Variants in CCM2 observed in about 807,000 individuals in gnomAD.
CCM2 encodes cerebral cavernous malformations 2 protein.
A neutral mutation model predicts 44.9 loss-of-function variants in CCM2; 25 were observed. That is an observed-to-expected ratio of 0.56 (90% CI 0.41 to 0.78). The LOEUF is 0.78. CCM2 is among the 30% of genes least tolerant of loss of function. The probability of loss-of-function intolerance (pLI) is 0.00; values close to 1 mark genes in which losing one functional copy is unlikely to be tolerated. For synonymous variants in CCM2, 219 were observed against 241.1 expected (o/e 0.91, Z 0.85); for missense variants, 481 against 580.6 (o/e 0.83, Z 1.76).
At position 45,050,231 on chromosome 7, in the gene CCM2, T is replaced by TACC. The variant is rs531440814; in HGVS notation, c.204+11807_204+11809dup. On this transcript the variant is annotated intron_variant, in intron 2 of 9. Coordinates refer to ENST00000258781, the MANE Select transcript of CCM2 (RefSeq NM_031443.4). ...TGTACAGGTTGTAGCCTGGGAGCAA[T>TACC]ACCATATAGCCTAGGTGTGTAGTGG... is the stretch of plus-strand genomic sequence containing the variant. Among the ~76,000 whole-genome samples the TACC allele has an allele frequency of 3.7e-3, 561 of 152,146 alleles. 1 individual carries two copies. Among genetic ancestry groups the TACC allele is most frequent in the Non-Finnish European group, 6.6e-3 (446 of 67,960 alleles).
intron 1 of CCM2, among the ~76,000 whole-genome samples, chr7:45,030,018 G>A (rs2128723487): frequency 6.6e-6 from 1 of 152,278 alleles, no homozygotes; most frequent in South Asian, 2.1e-4. Flanking sequence ...GCACAGCGCT[G>A]CATGGTGACT....
intron 1 of CCM2, among the ~76,000 whole-genome samples, chr7:45,030,941 C>CT (rs1208281475): frequency 2.0e-5 from 3 of 149,964 alleles, no homozygotes; most frequent in African/African-American, 7.3e-5. Context: ...CCAGGGTGGT[C>CT]TTGAACATCT....
intron 1 of CCM2, among the ~76,000 whole-genome samples, chr7:45,018,655 A>C (rs1796360366): frequency 1.3e-5 from 2 of 151,712 alleles, no homozygotes; most frequent in African/African-American, 2.4e-5. Flanking sequence ...TTCTTTTGGC[A>C]TTTTAAAGAT....
At chr7:45,006,280 C>T (rs895982352) in intron 1 of CCM2, among the ~76,000 whole-genome samples, 3 of 152,018 alleles carry the variant, frequency 2.0e-5, no homozygotes, top group African/African-American at 7.2e-5. Flanking sequence ...GAGTCATGTG[C>T]TGAAGCCCCT....
chr7:45,020,143 AC>A (rs1444796214), intron 1 of CCM2, among the ~76,000 whole-genome samples: 1 of 152,074 alleles, frequency 6.6e-6, no homozygotes, highest in Non-Finnish European at 1.5e-5. Flanking sequence ...ACTGGGGCAT[AC>A]TCTCAGGAGT....
At chr7:45,042,557 A>T (rs1344102073) in intron 2 of CCM2, among the ~76,000 whole-genome samples, 2 of 152,146 alleles carry the variant, frequency 1.3e-5, no homozygotes, top group Non-Finnish European at 2.9e-5. Flanking sequence ...CACTTTACTC[A>T]TAGGGGAAAA....
intron 1 of CCM2, among the ~76,000 whole-genome samples, chr7:45,036,387 A>G (rs79048344): frequency 1.2e-3 from 184 of 151,842 alleles, no homozygotes; most frequent in African/African-American, 4.1e-3. Context: ...CTTGGCTGTC[A>G]GGAGGCAGCA....
chr7:45,013,479 T>C (rs1796143591), intron 1 of CCM2, among the ~76,000 whole-genome samples: 1 of 152,152 alleles, frequency 6.6e-6, no homozygotes, highest in South Asian at 2.1e-4. Flanking sequence ...CCATTAAGAA[T>C]AAGCTGTAGA....
In CCM2 at chr7:45,068,537, C is replaced by G; in HGVS notation, c.567C>G (p.Pro189=). The change falls in exon 5 of 10, where the codon CCC becomes CCG. Residue 189 remains proline, a synonymous_variant. Coordinates refer to ENST00000258781, the MANE Select transcript of CCM2 (RefSeq NM_031443.4). ...CCCTGTCGGAGAGTGCAGTTGGGCC[C>G]GTGGAGGCATGCTGCCTGGTCATCC... The part of the protein sequence containing the change: ...AGSLSESAVG[P]VEACCLVILA... The G allele has an allele frequency of 6.2e-7, 1 of 1,614,124 alleles. No individual in the cohort carries two copies. Among genetic ancestry groups the G allele is most frequent in the East Asian group, 2.2e-5 (1 of 44,876 alleles).
chr7:45,074,486 G>A (rs113529574), intron 9 of CCM2, 78 bp downstream of exon 9: 12 of 1,211,436 alleles, frequency 9.9e-6, no homozygotes, highest in African/African-American at 4.5e-5. Flanking sequence ...ATGTGCACAC[G>A]GACCCCTCAG....
At chr7:45,071,706 G>T in intron 6 of CCM2, 2 of 445,124 alleles carry the variant, frequency 4.5e-6, no homozygotes, top group South Asian at 3.1e-5. Context: ...GCTCCTAAAG[G>T]CGGCTGCATG....
chr7:45,021,124 G>A (rs182730119), intron 1 of CCM2, among the ~76,000 whole-genome samples: 11 of 152,178 alleles, frequency 7.2e-5, no homozygotes, highest in Admixed American at 5.2e-4. Context: ...CAGGTGTGGC[G>A]ACATGCCTGT....
intron 2 of CCM2, among the ~76,000 whole-genome samples, chr7:45,048,268 C>T (rs1386877909): frequency 2.0e-5 from 3 of 152,126 alleles, no homozygotes; most frequent in Admixed American, 6.5e-5. Flanking sequence ...AAACTGTATA[C>T]ATTTCATAAA....
chr7:45,052,126 T>C (rs1798042577), intron 2 of CCM2, among the ~76,000 whole-genome samples: 1 of 152,174 alleles, frequency 6.6e-6, no homozygotes, highest in Admixed American at 6.5e-5. Flanking sequence ...CACAAGCCCT[T>C]GGAGAGTAGG....
At chr7:45,047,122 G>A (rs2128736428) in intron 2 of CCM2, among the ~76,000 whole-genome samples, 1 of 152,304 alleles carries the variant, frequency 6.6e-6, no homozygotes, top group South Asian at 2.1e-4. Flanking sequence ...TGGTAGGGAT[G>A]TAAAATGGTA....
At chr7:45,020,702 GT>G in intron 1 of CCM2, among the ~76,000 whole-genome samples, 1 of 152,226 alleles carries the variant, frequency 6.6e-6, no homozygotes, top group South Asian at 2.1e-4. Context: ...CAAGAGAACA[GT>G]TTTTATTAGG....
At chr7:45,013,232 C>A (rs1253292450) in intron 1 of CCM2, among the ~76,000 whole-genome samples, 1 of 152,070 alleles carries the variant, frequency 6.6e-6, no homozygotes, top group African/African-American at 2.4e-5. Flanking sequence ...AGTATCATTC[C>A]ATTTGTACTC....
At chr7:45,021,411 A>G (rs1796475682) in intron 1 of CCM2, among the ~76,000 whole-genome samples, 1 of 151,736 alleles carries the variant, frequency 6.6e-6, no homozygotes, top group Non-Finnish European at 1.5e-5. Context: ...TAAAAATACA[A>G]AAATTAGCCA....
At chr7:45,003,106 G>A (rs553756056) in intron 1 of CCM2, among the ~76,000 whole-genome samples, 3 of 152,008 alleles carry the variant, frequency 2.0e-5, no homozygotes, top group Admixed American at 6.5e-5. Context: ...ATAGAGTTTC[G>A]CTCTTGTTGC....
Sources: allele counts gnomAD v4.1 joint callset (sites outside exome capture counted in the v4.1 genomes callset), GRCh38; gene constraint gnomAD v4.1.1; transcripts MANE v1.5; gene names NCBI Gene and HGNC (gene_info 2026-07-23, HGNC 2026-07-21).